The following MYO5A variants were observed in gnomAD, a reference collection of about 807,000 sequenced individuals.
MYO5A encodes unconventional myosin-Va.
MYO5A carries 98 observed loss-of-function variants against 249.7 expected under a neutral mutation model. The observed-to-expected ratio is 0.39, with a 90% CI of 0.33 to 0.46. The LOEUF is 0.46. Ranked by LOEUF, MYO5A falls within the 20% of genes least tolerant of loss-of-function variation. MYO5A has a pLI of 0.98. For missense variants in MYO5A, 1,696 were observed against 2,308.8 expected, an observed-to-expected ratio of 0.73 and a Z score of 5.44; for synonymous variants, 778 against 810.6, an observed-to-expected ratio of 0.96 and a Z score of 0.68.
At chr15:52,458,456 C>CA (rs1302372245) in intron 1 of MYO5A, among the ~76,000 whole-genome samples, 1 of 151,572 alleles carries the variant, frequency 6.6e-6, no homozygotes, top group African/African-American at 2.4e-5. Context: ...GGCATCTTTA[C>CA]AAAAAATACA....
At chr15:52,444,345 C>G (rs2075845206) in intron 1 of MYO5A, among the ~76,000 whole-genome samples, 2 of 152,076 alleles carry the variant, frequency 1.3e-5, no homozygotes, top group African/African-American at 4.8e-5. Flanking sequence ...AAAGGTAAAA[C>G]AGAATCACCA....
At chr15:52,363,451 T>A (rs142539181) in intron 24 of MYO5A, among the ~76,000 whole-genome samples, 1,584 of 152,280 alleles carry the variant, frequency 0.01, 24 homozygotes, top group African/African-American at 0.037. Context: ...AATGTGGGAT[T>A]TATATTAGCT....
intron 1 of MYO5A, among the ~76,000 whole-genome samples, chr15:52,519,065 T>C (rs1486896137): frequency 1.3e-5 from 2 of 151,392 alleles, no homozygotes; most frequent in Admixed American, 6.6e-5. Context: ...GATGAACAGG[T>C]GGAAGGAAGA....
intron 8 of MYO5A, among the ~76,000 whole-genome samples, chr15:52,406,212 T>A (rs764065947): frequency 2.0e-5 from 3 of 152,162 alleles, no homozygotes; most frequent in Non-Finnish European, 4.4e-5. Flanking sequence ...GAAAGGGTAA[T>A]TCAGTAATGA....
At chr15:52,438,795 A>C (rs545008536) in intron 1 of MYO5A, among the ~76,000 whole-genome samples, 1 of 152,280 alleles carries the variant, frequency 6.6e-6, no homozygotes, top group South Asian at 2.1e-4. Flanking sequence ...CACTCTATTA[A>C]ATCTTGCAAC....
chr15:52,334,776 T>A (rs771729985), intron 34 of MYO5A, among the ~76,000 whole-genome samples: 22 of 152,212 alleles, frequency 1.4e-4, no homozygotes, highest in Non-Finnish European at 3.2e-4. Context: ...TCAGAGTCTA[T>A]TATGGAAGCC....
intron 4 of MYO5A, among the ~76,000 whole-genome samples, chr15:52,425,573 T>C (rs1209309951): frequency 6.6e-6 from 1 of 152,200 alleles, no homozygotes; most frequent in East Asian, 1.9e-4. Context: ...TTGGCCAGGC[T>C]AGTCTCGAAC....
chr15:52,426,022 C>T (rs567105971), intron 3 of MYO5A, 48 bp from the exon 4 acceptor site: 1 of 1,528,408 alleles, frequency 6.5e-7, no homozygotes, highest in Non-Finnish European at 9.0e-7. Flanking sequence ...CAATGATACC[C>T]TAATGGGCAT....
rs530732326 is a variant in MYO5A, at chr15:52,328,863, G to A, written c.4556-857C>T. ...GGTATGCTCCCTGCCCTGGGCCTACGTGCTTACTGTTTTTCTGCCTTGAAT... is the reference window on the plus strand; with the variant it reads ...GGTATGCTCCCTGCCCTGGGCCTACATGCTTACTGTTTTTCTGCCTTGAAT... On this transcript the variant is annotated intron_variant, in intron 35 of 41. Transcript: ENST00000399233. Among the ~76,000 whole-genome samples the A allele has an allele frequency of 3.3e-5, 5 of 152,226 alleles. No individual in the cohort carries two copies. In the South Asian group the frequency reaches 6.2e-4, roughly 19 times the overall value.
At chr15:52,387,954 T>C in intron 13 of MYO5A, 42 bp from the exon 14 acceptor site, 1 of 1,325,194 alleles carries the variant, frequency 7.5e-7, no homozygotes, top group Non-Finnish European at 1.1e-6. Flanking sequence ...ATAAAACTTT[T>C]GAATAGATAT....
Position 52,387,868 on chromosome 15 carries a change from G to A in MYO5A, c.1713C>T (p.Thr571=), listed in dbSNP as rs376265116. The A allele has an allele frequency of 4.9e-5, 79 of 1,612,176 alleles. 4 individuals are homozygous for A. The Middle Eastern group carries it at 5.0e-3, about 101-fold the overall frequency. The change falls in exon 14 of 42, where the codon ACC becomes ACT. Residue 571 remains threonine (T), a synonymous_variant. Transcript: ENST00000399233. The part of the protein sequence containing the change: ...CEGFLEKNKD[T]VFEEQIKVLK... ...GAACTTTAATTTGTTCTTCAAAAACGGTGTCTTTATTCTTTTCGAGAAATC... is the reference window on the plus strand; with the variant it reads ...GAACTTTAATTTGTTCTTCAAAAACAGTGTCTTTATTCTTTTCGAGAAATC...
intron 1 of MYO5A, among the ~76,000 whole-genome samples, chr15:52,481,473 T>C (rs533205918): frequency 1.3e-5 from 2 of 152,306 alleles, no homozygotes; most frequent in South Asian, 2.1e-4. Flanking sequence ...GCTGATGAGA[T>C]GGACACACAC....
intron 4 of MYO5A, among the ~76,000 whole-genome samples, chr15:52,417,232 T>C (rs2043545475): frequency 6.6e-6 from 1 of 152,214 alleles, no homozygotes; most frequent in Non-Finnish European, 1.5e-5. Flanking sequence ...ATCTCAAACA[T>C]ATTATTTTAT....
chr15:52,462,547 A>G (rs1374630597), intron 1 of MYO5A, among the ~76,000 whole-genome samples: 1 of 151,958 alleles, frequency 6.6e-6, no homozygotes, highest in African/African-American at 2.4e-5. Flanking sequence ...AGCACAAATA[A>G]TTAGATATTA....
intron 16 of MYO5A, among the ~76,000 whole-genome samples, chr15:52,381,776 T>C (rs985780750): frequency 1.1e-5 from 1 of 94,750 alleles, no homozygotes; most frequent in East Asian, 2.9e-4. Flanking sequence ...TCTCTCTCTC[T>C]CTCTCTCACA....
chr15:52,381,808 A>ACACACACG (rs2041755282), intron 16 of MYO5A, among the ~76,000 whole-genome samples: 1 of 151,734 alleles, frequency 6.6e-6, no homozygotes, highest in Non-Finnish European at 1.5e-5. Flanking sequence ...ACACACACAC[A>ACACACACG]CGGAGCATGG....
intron 27 of MYO5A, 27 bp downstream of exon 27, chr15:52,353,576 CAA>C (rs749112548): frequency 6.2e-6 from 10 of 1,605,640 alleles, no homozygotes; most frequent in African/African-American, 1.3e-5. Context: ...ACAAAATATT[CAA>C]AGTCTTGAGC....
intron 29 of MYO5A, among the ~76,000 whole-genome samples, chr15:52,347,027 T>A (rs1173695444): frequency 6.6e-6 from 1 of 152,006 alleles, no homozygotes; most frequent in East Asian, 1.9e-4. Flanking sequence ...TCAGTTCTCT[T>A]TTCCTCTAGT....
At position 52,346,382 on chromosome 15, in the gene MYO5A, A is replaced by G. The variant is rs369769639; in HGVS notation, c.3938T>C (p.Ile1313Thr). Residue 1313 changes from isoleucine (I) to threonine (T), a missense_variant, in exon 30 of 42, where the codon ATT becomes ACT. Ile to Thr is a moderately conservative substitution (Grantham distance 89). Coordinates refer to ENST00000399233, the MANE Select transcript of MYO5A (RefSeq NM_001382347.1). The part of the protein sequence containing the change: ...KDKGEIAQAY[I>T]GLKETNRSSA... ...TTACCTATTTGTTTCTTTCAAACCA[A>G]TGTATGCTTGTGCTATTTCACCTTT... 6.2e-7 allele frequency: 1 copy of G among 1,601,044 alleles called. No homozygotes were observed. The highest frequency in any genetic ancestry group is 8.6e-7 in the Non-Finnish European group (1 of 1,168,832).
Sources: allele counts gnomAD v4.1 joint callset (sites outside exome capture counted in the v4.1 genomes callset), GRCh38; gene constraint gnomAD v4.1.1; transcripts MANE v1.5; gene names NCBI Gene and HGNC (gene_info 2026-07-23, HGNC 2026-07-21).